Variants in SH3D19 observed in about 807,000 individuals in gnomAD.
The protein encoded by SH3D19 is SH3 domain-containing protein 19.
SH3D19 carries 58 observed loss-of-function variants against 112.1 expected under a neutral mutation model. The ratio of observed to expected loss-of-function variants is 0.52; its 90% CI spans 0.42 to 0.64. The LOEUF is 0.64. Among genes scored for constraint, SH3D19 ranks in the 30% least tolerant of loss-of-function variants. The probability of loss-of-function intolerance (pLI) is 0.00; values close to 1 mark genes in which losing one functional copy is unlikely to be tolerated. For synonymous variants in SH3D19, 391 were observed against 448.5 expected (o/e 0.87, Z 1.62); for missense variants, 1,090 against 1,263.4 (o/e 0.86, Z 2.08).
chr4:151,258,607 C>T (rs1207626843), intron 1 of SH3D19, among the ~76,000 whole-genome samples: 3 of 152,194 alleles, frequency 2.0e-5, no homozygotes, highest in Non-Finnish European at 4.4e-5. Flanking sequence ...CCATCACCCA[C>T]CCTCAGGCTG....
chr4:151,310,944 A>G (rs1162809635), intron 1 of SH3D19, among the ~76,000 whole-genome samples: 1 of 151,214 alleles, frequency 6.6e-6, no homozygotes, highest in African/African-American at 2.4e-5. Flanking sequence ...TAGCCAAGAT[A>G]CATAAACAAC....
intron 2 of SH3D19, among the ~76,000 whole-genome samples, chr4:151,217,188 A>AC (rs1767268421): frequency 1.3e-5 from 2 of 152,160 alleles, no homozygotes; most frequent in Admixed American, 1.3e-4. Flanking sequence ...TATTAAACTA[A>AC]CCCCAGCAGA....
At chr4:151,318,224 C>T (rs1191507470) in intron 1 of SH3D19, among the ~76,000 whole-genome samples, 1 of 146,642 alleles carries the variant, frequency 6.8e-6, no homozygotes, top group African/African-American at 2.5e-5. Context: ...TTGCTTGAAC[C>T]TGGGAGGCAG....
intron 1 of SH3D19, among the ~76,000 whole-genome samples, chr4:151,324,205 A>G (rs1417431494): frequency 6.6e-6 from 1 of 152,160 alleles, no homozygotes; most frequent in East Asian, 1.9e-4. Context: ...GTTCTTCTCA[A>G]GTTTTCCTTT....
rs563491417 is a variant in SH3D19, at chr4:151,310,195, G to A, written c.112+15046C>T. Among the ~76,000 whole-genome samples, 25 of 124,682 alleles carry A rather than the reference G, an allele frequency of 2.0e-4. No individual in the cohort carries two copies. The East Asian group carries it at 4.6e-3, about 23-fold the overall frequency. The allele number at this position is 124,682 out of a possible 152,430, so 81.8% of individuals were successfully genotyped here. ...TTGAGACCAGCCTGGTTAACACAGC[G>A]AAACTCTGTCTTTACAAAAAAAAAA... On this transcript the variant is annotated intron_variant, in intron 1 of 19. Transcript: ENST00000604030.
chr4:151,298,681 C>A (rs1035017300), intron 1 of SH3D19, among the ~76,000 whole-genome samples: 3 of 152,192 alleles, frequency 2.0e-5, no homozygotes, highest in Non-Finnish European at 4.4e-5. Context: ...TTCTCCACAT[C>A]ACCTTTAACA....
chr4:151,215,461 G>A (rs975659713), intron 2 of SH3D19, among the ~76,000 whole-genome samples: 3 of 152,214 alleles, frequency 2.0e-5, no homozygotes, highest in Non-Finnish European at 2.9e-5. Context: ...TAGACACAAT[G>A]TTACTCTGAA....
chr4:151,130,160 G>A (rs954580811), intron 17 of SH3D19, among the ~76,000 whole-genome samples: 5 of 152,164 alleles, frequency 3.3e-5, no homozygotes, highest in Non-Finnish European at 7.3e-5. Context: ...AACAATGGAA[G>A]GCCGGATGTG....
intron 1 of SH3D19, among the ~76,000 whole-genome samples, chr4:151,302,995 A>G (rs1728599613): frequency 1.3e-5 from 2 of 152,108 alleles, no homozygotes; most frequent in African/African-American, 4.8e-5. Flanking sequence ...GTGCACATGT[A>G]CCCCAGAACT....
At chr4:151,225,932 G>T in intron 2 of SH3D19, 115 bp downstream of exon 2, 1 of 619,532 alleles carries the variant, frequency 1.6e-6, no homozygotes, top group Non-Finnish European at 2.3e-6. Context: ...TTCTCTGAAT[G>T]CTACAGAAGA....
chr4:151,276,772 C>T (rs1010891095), intron 1 of SH3D19, among the ~76,000 whole-genome samples: 1 of 152,202 alleles, frequency 6.6e-6, no homozygotes, highest in African/African-American at 2.4e-5. Flanking sequence ...CAAAAAAACT[C>T]AGAAAAATTA....
chr4:151,218,959 T>C (rs1390489333), intron 2 of SH3D19, among the ~76,000 whole-genome samples: 3 of 152,208 alleles, frequency 2.0e-5, no homozygotes, highest in Non-Finnish European at 4.4e-5. Context: ...TTCTGCTTTA[T>C]ATAAATGGCA....
At chr4:151,271,113 TG>T (rs1261338165) in intron 1 of SH3D19, among the ~76,000 whole-genome samples, 5 of 152,108 alleles carry the variant, frequency 3.3e-5, no homozygotes, top group Non-Finnish European at 7.4e-5. Context: ...TCTGTAGAGA[TG>T]GGGGTCTCAT....
chr4:151,257,627 G>T (rs1247802768), intron 1 of SH3D19, among the ~76,000 whole-genome samples: 1 of 152,014 alleles, frequency 6.6e-6, no homozygotes, highest in Non-Finnish European at 1.5e-5. Flanking sequence ...ATTAAAAATA[G>T]TAACCGTGGC....
At chr4:151,204,953 C>T (rs1408458462) in intron 2 of SH3D19, among the ~76,000 whole-genome samples, 4 of 151,718 alleles carry the variant, frequency 2.6e-5, no homozygotes, top group African/African-American at 4.8e-5. Flanking sequence ...CTCGAGTAGC[C>T]GGGATTACAG....
At chr4:151,157,274 G>A (rs1413057375) in intron 9 of SH3D19, among the ~76,000 whole-genome samples, 1 of 151,360 alleles carries the variant, frequency 6.6e-6, no homozygotes, top group Non-Finnish European at 1.5e-5. Context: ...AAAAAAAACG[G>A]CAAATGATCT....
intron 1 of SH3D19, among the ~76,000 whole-genome samples, chr4:151,323,006 G>A (rs1183783075): frequency 6.6e-6 from 1 of 152,208 alleles, no homozygotes; most frequent in Non-Finnish European, 1.5e-5. Context: ...AAGTCTAGGA[G>A]GGATGGGAAT....
At chr4:151,246,131 A>C (rs2149972607) in intron 1 of SH3D19, among the ~76,000 whole-genome samples, 1 of 152,258 alleles carries the variant, frequency 6.6e-6, no homozygotes, top group Non-Finnish European at 1.5e-5. Context: ...TTCAGGAAAA[A>C]TTCTCCATCA....
intron 1 of SH3D19, among the ~76,000 whole-genome samples, chr4:151,324,633 T>G (rs1282606325): frequency 6.6e-6 from 1 of 152,158 alleles, no homozygotes; most frequent in East Asian, 1.9e-4. Context: ...ATCATAAAAG[T>G]AATTACAGGC....
Sources: allele counts gnomAD v4.1 joint callset (sites outside exome capture counted in the v4.1 genomes callset), GRCh38; gene constraint gnomAD v4.1.1; transcripts MANE v1.5; gene names NCBI Gene and HGNC (gene_info 2026-07-23, HGNC 2026-07-21).